SYP: variants seen among roughly 807,000 people sequenced by gnomAD.
The protein encoded by SYP is major synaptic vesicle protein P38.
A neutral mutation model predicts 24.3 loss-of-function variants in SYP; 2 were observed. The ratio of observed to expected loss-of-function variants is 0.08; its 90% CI spans 0.03 to 0.26. The LOEUF is 0.26. Among genes scored for constraint, SYP ranks in the 10% least tolerant of loss-of-function variants. SYP has a pLI of 1.00. For synonymous variants in SYP, 143 were observed against 123.2 expected (o/e 1.16, Z -1.07); for missense variants, 216 against 266.3 (o/e 0.81, Z 1.32).
At chrX:49,198,695 C>T (rs1157271297) in intron 2 of SYP, 1 of 385,752 alleles carries the variant, frequency 2.6e-6, no homozygotes, top group Non-Finnish European at 4.6e-6. Flanking sequence ...ACAGGCTCCA[C>T]CTCCCCCACC....
intron 1 of SYP, 94 bp from the exon 2 acceptor site, chrX:49,199,127 C>T: frequency 1.1e-6 from 1 of 872,330 alleles, no homozygotes; most frequent in Non-Finnish European, 1.7e-6. Context: ...GGGGATGGAG[C>T]ATGTGACCTC....
In SYP at chrX:49,191,681, A is replaced by T. The variant is rs781818986; in HGVS notation, c.698T>A (p.Leu233Gln). ...CTCGGGGGCGCCGGGAGGCGCGCGC[A>T]GGAACGGGGCGGCCCAGCCTGTCTC... ...FKETGWAAPF[L>Q]RAPPGAPEKQ... is the part of the protein sequence containing the mutation. The change falls in exon 6 of 7, where the codon CTG becomes CAG. Residue 233 changes from leucine to glutamine, a missense_variant. Transcript: ENST00000263233. 2 of 1,206,587 alleles carry T rather than the reference A, an allele frequency of 1.7e-6. No homozygotes were observed. The highest frequency in any genetic ancestry group is 3.5e-5 in the South Asian group (2 of 56,421).
In SYP at chrX:49,191,722, C is replaced by T. The variant is rs193182359; in HGVS notation, c.657G>A (p.Leu219=). The T allele has an allele frequency of 1.5e-5, 18 of 1,208,225 alleles. No homozygotes were observed. The South Asian group carries it at 3.0e-4, about 20-fold the overall frequency. The change falls in exon 6 of 7, where the codon CTG becomes CTA. Residue 219 remains leucine, a synonymous_variant. Coordinates refer to ENST00000263233, the MANE Select transcript of SYP (RefSeq NM_003179.3). ...AGCCTGTCTCCTTAAACACGAACCACAGGTTGCCGACCCAGAGCACCAGGT... is the reference window on the plus strand; with the variant it reads ...AGCCTGTCTCCTTAAACACGAACCATAGGTTGCCGACCCAGAGCACCAGGT... ...FLNLVLWVGN[L]WFVFKETGWA...
chrX:49,193,489 C>G, intron 4 of SYP, 26 bp from the exon 5 acceptor site: 1 of 1,207,006 alleles, frequency 8.3e-7, no homozygotes, highest in Non-Finnish European at 1.1e-6. Flanking sequence ...GTGAGGAAGA[C>G]AGCACTGTGA....
At chrX:49,191,914 G>A in intron 5 of SYP, 151 bp from the exon 6 acceptor site, 1 of 652,204 alleles carries the variant, frequency 1.5e-6, no homozygotes, top group Admixed American at 3.0e-5. Context: ...CGAGAACGTC[G>A]ATGTGCAGAA....
At chrX:49,191,324 C>A (rs1227156563) in intron 6 of SYP, 109 bp downstream of exon 6, 1 of 925,985 alleles carries the variant, frequency 1.1e-6, no homozygotes, top group Admixed American at 2.6e-5. Context: ...TCCTTACTTG[C>A]CCCAGTAAAC....
At chrX:49,191,409 C>A (rs782014669) in intron 6 of SYP, 24 bp downstream of exon 6, 8 of 1,202,516 alleles carry the variant, frequency 6.7e-6, no homozygotes, top group Non-Finnish European at 9.0e-6. Context: ...CCCTCCTTGG[C>A]CGCACCGCTC....
chrX:49,191,451 A>G lies in SYP; in HGVS notation c.928T>C (p.Ser310Pro). 1 of 1,211,059 alleles carries G rather than the reference A, an allele frequency of 8.3e-7. No homozygotes were observed. The highest frequency in any genetic ancestry group is 1.8e-5 in the South Asian group (1 of 56,901). ...CACTCACCAGACTACATCTGATTGGAGAAGGAGGTGGGTGCACCCTGCGGG... is the reference window on the plus strand; with the variant it reads ...CACTCACCAGACTACATCTGATTGGGGAAGGAGGTGGGTGCACCCTGCGGG... ...YGPQGAPTSF[S>P]NQM Residue 310 changes from serine to proline, a missense_variant, in exon 6 of 7, where the codon TCC becomes CCC. Around this residue, in one of 2 missense-constraint regions of SYP, gnomAD observed 114 missense variants for 107.9 expected, o/e 1.06. Transcript: ENST00000263233.
chrX:49,194,451 G>A (rs1306661587), intron 3 of SYP, 90 bp from the exon 4 acceptor site: 26 of 895,292 alleles, frequency 2.9e-5, no homozygotes, highest in Non-Finnish European at 4.1e-5. Context: ...TTCTGACAAG[G>A]CCCCAGGAAG....
chrX:49,194,438 C>T (rs933544133), intron 3 of SYP, 77 bp from the exon 4 acceptor site: 1 of 1,006,259 alleles, frequency 9.9e-7, no homozygotes, highest in Admixed American at 2.4e-5. Flanking sequence ...TGGGTCCCCC[C>T]ATTTCTGACA....
chrX:49,199,637 A>G (rs1602614428), intron 1 of SYP, among the ~76,000 whole-genome samples: 1 of 65,392 alleles, frequency 1.5e-5, no homozygotes, highest in Admixed American at 1.9e-4. Flanking sequence ...GTTGGGGGTG[A>G]GGAGGCTGGG....
intron 2 of SYP, 23 bp from the exon 3 acceptor site, chrX:49,197,862 G>A: frequency 8.3e-7 from 1 of 1,208,578 alleles, no homozygotes; most frequent in Middle Eastern, 2.5e-4. Context: ...GGATGGGGAT[G>A]GCCACAGTGA....
chrX:49,190,520 ATT>A lies in SYP; in HGVS notation c.*4+911_*4+912del, dbSNP rs35241578. ...TTTTTTTCTTCCTTTCTTTCTTTCC[ATT>A]TTTTTTTTTTTTTTGAGACAAGGTC... is the stretch of plus-strand genomic sequence containing the variant. On this transcript the variant is annotated intron_variant, in intron 6 of 6. Coordinates refer to ENST00000263233, the MANE Select transcript of SYP (RefSeq NM_003179.3). The A allele has an allele frequency of 1.6e-3, 104 of 66,090 alleles. 1 individual carries two copies. Among genetic ancestry groups the A allele is most frequent in the South Asian group, 3.4e-3 (4 of 1,193 alleles). 5.4% of individuals were successfully genotyped at this position (66,090 alleles called of 1,213,427 possible).
At chrX:49,198,872 C>A in intron 2 of SYP, 96 bp downstream of exon 2, 2 of 1,005,053 alleles carry the variant, frequency 2.0e-6, no homozygotes, top group Non-Finnish European at 2.8e-6. Flanking sequence ...CCGCACTCAT[C>A]CCTGGCTACT....
At chrX:49,194,898 G>A (rs1388827166) in intron 3 of SYP, among the ~76,000 whole-genome samples, 5 of 109,971 alleles carry the variant, frequency 4.5e-5, no homozygotes, top group East Asian at 2.9e-4. Context: ...TAATAGAGAC[G>A]GGGTTTCACC....
chrX:49,194,147 A>G lies in SYP; in HGVS notation c.423+19T>C, dbSNP rs1412115061. 6 of 1,208,122 alleles carry G rather than the reference A, an allele frequency of 5.0e-6. No individual in the cohort carries two copies. Among genetic ancestry groups the G allele is most frequent in the Non-Finnish European group, 6.7e-6 (6 of 892,815 alleles). ...CGTGTCCCCATGGTCCCTACATGCA[A>G]GTGGCTGTGGGGACTCACCAGCATG... On this transcript the variant is annotated intron_variant, in intron 4 of 6. Coordinates refer to ENST00000263233, the MANE Select transcript of SYP (RefSeq NM_003179.3).
At chrX:49,199,259 G>A in intron 1 of SYP, 1 of 436,853 alleles carries the variant, frequency 2.3e-6, no homozygotes, top group Non-Finnish European at 4.1e-6. Flanking sequence ...GGGGGTGAGG[G>A]AGATGGGGAT....
intron 2 of SYP, 65 bp downstream of exon 2, chrX:49,198,903 T>C (rs1268091149): frequency 8.7e-7 from 1 of 1,153,435 alleles, no homozygotes; most frequent in Non-Finnish European, 1.2e-6. Flanking sequence ...CCACCCCTGC[T>C]CTTCTGGACC....
In SYP at chrX:49,197,833, C is replaced by G; in HGVS notation, c.109G>C (p.Ala37Pro). The G allele has an allele frequency of 8.3e-7, 1 of 1,209,624 alleles. No homozygotes were observed. Among genetic ancestry groups the G allele is most frequent in the Non-Finnish European group, 1.1e-6 (1 of 894,478 alleles). ...CCGCATGTGGCAAAGGCGAAGATGG[C>G]GAAGACCTTGGGCAGCAGGGATGGG... Reference protein sequence around the residue: ...GFVKVLQWVFAIFAFATCGSY... With the variant: ...GFVKVLQWVFPIFAFATCGSY... The change falls in exon 3 of 7, where the codon GCC (alanine) becomes CCC (proline). Residue 37 changes from alanine (A) to proline (P), a missense_variant. Ala to Pro is a conservative substitution (Grantham distance 27, BLOSUM62 -1). Coordinates refer to ENST00000263233, the MANE Select transcript of SYP (RefSeq NM_003179.3).
Sources: gnomAD v4.1 joint callset for allele counts (sites outside exome capture counted in the v4.1 genomes callset) on GRCh38, gnomAD v4.1.1 for gene constraint, gnomAD v4.1.1 regional missense constraint, MANE v1.5 for transcripts, NCBI Gene and HGNC (gene_info 2026-07-23, HGNC 2026-07-21) for gene names.